RPS8: variants seen among roughly 807,000 people sequenced by gnomAD.
RPS8 encodes the protein small ribosomal subunit protein eS8.
For missense variants in RPS8, 141 were observed against 269.7 expected (o/e 0.52, Z 3.34); for synonymous variants, 100 against 100.7 (o/e 0.99, Z 0.04).
Position 44,776,129 on chromosome 1 carries a change from G to C in RPS8, c.100G>C (p.Ala34Pro). ...GAAGTATGAGTTGGGGCGCCCAGCT[G>C]CCAACACCAAGGTGGGTGCGAGCGT... is the stretch of plus-strand genomic sequence containing the variant. The part of the protein sequence containing the change: ...KRKYELGRPA[A>P]NTKIGPRRIH... The change falls in exon 2 of 6, where the codon GCC becomes CCC. Residue 34 changes from alanine to proline, a missense_variant. Coordinates refer to ENST00000396651, the MANE Select transcript of RPS8 (RefSeq NM_001012.2). 6.2e-7 allele frequency: 1 copy of C among 1,602,490 alleles called. No individual in the cohort carries two copies. The highest frequency in any genetic ancestry group is 8.5e-7 in the Non-Finnish European group (1 of 1,176,480).
chr1:44,775,717 C>T lies in RPS8; in HGVS notation c.4+117C>T, dbSNP rs911422109. ...CCCGACCCCCGGCCAGGGACAGCCACGAGGAGTGGTGGCCCTCGGGTTTCG... is the reference window on the plus strand; with the variant it reads ...CCCGACCCCCGGCCAGGGACAGCCATGAGGAGTGGTGGCCCTCGGGTTTCG... On this transcript the variant is annotated intron_variant, in intron 1 of 5. Transcript: ENST00000396651. The T allele has an allele frequency of 1.5e-5, 20 of 1,367,484 alleles. No individual in the cohort carries two copies. The South Asian group carries it at 2.3e-4, about 16-fold the overall frequency. 84.7% of individuals were successfully genotyped at this position (1,367,484 alleles called of 1,614,324 possible). A position where few individuals can be genotyped will look rare whatever the true frequency, so the allele number is the denominator to read the frequency against.
Position 44,777,785 on chromosome 1 carries a change from A to G in RPS8, c.383A>G (p.Lys128Arg), listed in dbSNP as rs1650909986. 1 of 1,614,060 alleles carries G rather than the reference A, an allele frequency of 6.2e-7. No homozygotes were observed. The highest frequency in any genetic ancestry group is 1.3e-5 in the African/African-American group (1 of 74,942). The stretch of plus-strand genomic sequence containing the variant: ...CCCCTGGGCCGCAAGAAGGGAGCCA[A>G]GCTGGTGCGTGTTACTTCCCTGTAG... Reference protein sequence around the residue: ...ALPLGRKKGAKLTPEEEEILN... With the variant: ...ALPLGRKKGARLTPEEEEILN... The change falls in exon 4 of 6, where the codon AAG becomes AGG. Residue 128 changes from lysine (K) to arginine (R), a missense_variant. Transcript: ENST00000396651.
chr1:44,778,205 T>C, intron 5 of RPS8, 76 bp downstream of exon 5: 1 of 1,553,942 alleles, frequency 6.4e-7, no homozygotes. Context: ...TTGTCTCAGT[T>C]CCTTTGACTG....
intron 4 of RPS8, 52 bp downstream of exon 4, chr1:44,777,841 C>T: frequency 6.3e-7 from 1 of 1,596,446 alleles, no homozygotes; most frequent in Non-Finnish European, 8.6e-7. Context: ...TGACTCCAGC[C>T]TTCTCGTGAT....
chr1:44,778,564 ACT>A lies in RPS8; in HGVS notation c.518-7_518-6del, dbSNP rs1650949908. ...CTTGTCGTTGTGCTAAGGATCACCT[ACT>A]CTCTTGCAGCGTGCATCGCTTCAAG... On this transcript the variant is annotated splice_polypyrimidine_tract_variant and intron_variant, in intron 5 of 5. Transcript: ENST00000396651. 1 of 1,606,514 alleles carries A rather than the reference ACT, an allele frequency of 6.2e-7. No homozygotes were observed. Among genetic ancestry groups the A allele is most frequent in the Admixed American group, 1.7e-5 (1 of 59,908 alleles).
intron 4 of RPS8, 100 bp from the exon 5 acceptor site, chr1:44,777,900 T>G (rs1650915266): frequency 6.3e-7 from 1 of 1,581,570 alleles, no homozygotes. Flanking sequence ...TGAGAGCCTT[T>G]TAGGCTGAGG....
At chr1:44,777,897 C>A in intron 4 of RPS8, 103 bp from the exon 5 acceptor site, 1 of 1,581,782 alleles carries the variant, frequency 6.3e-7, no homozygotes, top group Non-Finnish European at 8.7e-7. Flanking sequence ...AGATGAGAGC[C>A]TTTTAGGCTG....
At chr1:44,778,541 T>C (rs967241203) in intron 5 of RPS8, 35 bp from the exon 6 acceptor site, 31 of 1,563,980 alleles carry the variant, frequency 2.0e-5, no homozygotes, top group Admixed American at 6.7e-5. Flanking sequence ...AGGGCCACCT[T>C]GTCGTTGTGC....
chr1:44,775,624 C>T (rs372242643), intron 1 of RPS8, 24 bp downstream of exon 1: 47 of 1,613,782 alleles, frequency 2.9e-5, no homozygotes, highest in Admixed American at 6.7e-5. Flanking sequence ...TGCATTGAGG[C>T]GGGTGAAGGG....
At chr1:44,777,380 C>A in intron 3 of RPS8, 1 of 527,878 alleles carries the variant, frequency 1.9e-6, no homozygotes, top group Non-Finnish European at 3.5e-6. Flanking sequence ...CTGCTCTGAT[C>A]TTTCTGAACT....
chr1:44,778,762 A>G lies in RPS8; in HGVS notation c.*77A>G, dbSNP rs1340733192. The G allele has an allele frequency of 9.7e-7, 1 of 1,031,142 alleles. No individual in the cohort carries two copies. Among genetic ancestry groups the G allele is most frequent in the Non-Finnish European group, 1.4e-6 (1 of 698,180 alleles). The allele number at this position is 1,031,142 out of a possible 1,614,324, so 63.9% of individuals were successfully genotyped here. A position where few individuals can be genotyped will look rare whatever the true frequency, so the allele number is the denominator to read the frequency against. ...CACATTTATGTTGCCTGAATATATG[A>G]CTGTTTTCTCTGCTTTATTTCCTTG... On this transcript the variant is annotated 3_prime_UTR_variant, in exon 6 of 6. Transcript: ENST00000396651.
At chr1:44,775,722 AGTG>A in intron 1 of RPS8, 122 bp downstream of exon 1, 1 of 1,329,556 alleles carries the variant, frequency 7.5e-7, no homozygotes, top group Admixed American at 1.7e-5. Context: ...AGCCACGAGG[AGTG>A]GTGGCCCTCG....
In RPS8 at chr1:44,775,585, C is replaced by T; in HGVS notation, c.-12C>T. Reference sequence around the variant, plus strand: ...AATCTTTGCGGTTTCTCTTTCCAGCCAGCGCCGAGCGATGGGTGAGTGTCG... The same window carrying T: ...AATCTTTGCGGTTTCTCTTTCCAGCTAGCGCCGAGCGATGGGTGAGTGTCG... On this transcript the variant is annotated 5_prime_UTR_variant, in exon 1 of 6. Transcript: ENST00000396651. 2 of 1,614,156 alleles carry T rather than the reference C, an allele frequency of 1.2e-6. No individual in the cohort carries two copies. Among genetic ancestry groups the T allele is most frequent in the Non-Finnish European group, 1.7e-6 (2 of 1,179,992 alleles).
intron 2 of RPS8, 100 bp from the exon 3 acceptor site, chr1:44,776,575 A>G (rs769182185): frequency 3.1e-6 from 3 of 976,380 alleles, no homozygotes; most frequent in Non-Finnish European, 3.3e-6. Flanking sequence ...AGGACTTGTC[A>G]TAGTTACACT....
intron 2 of RPS8, 51 bp downstream of exon 2, chr1:44,776,191 T>A (rs374476318): frequency 2.3e-6 from 3 of 1,321,006 alleles, no homozygotes; most frequent in Non-Finnish European, 3.1e-6. Context: ...TCCCCCGCTC[T>A]CCAGCGTGCT....
chr1:44,778,560 ACC>A lies in RPS8; in HGVS notation c.518-15_518-14del, dbSNP rs1650949254. The A allele has an allele frequency of 6.2e-7, 1 of 1,604,410 alleles. No individual in the cohort carries two copies. The highest frequency in any genetic ancestry group is 1.3e-5 in the African/African-American group (1 of 74,734). ...CCACCTTGTCGTTGTGCTAAGGATC[ACC>A]TACTCTCTTGCAGCGTGCATCGCTT... On this transcript the variant is annotated splice_polypyrimidine_tract_variant and intron_variant, in intron 5 of 5. Transcript: ENST00000396651.
Position 44,778,093 on chromosome 1 carries a change from C to T in RPS8, c.481C>T (p.Leu161Phe), listed in dbSNP as rs768341749. The change falls in exon 5 of 6, where the codon CTC (leucine) becomes TTC (phenylalanine). Residue 161 changes from leucine (L) to phenylalanine (F), a missense_variant. By Grantham distance (22) the Leu-to-Phe change is conservative. Transcript: ENST00000396651. ...GAAAAAGAATGCCAAAATCAGCAGT[C>T]TCCTGGAGGAGCAGTTCCAGCAGGG... ...ERKKNAKISS[L>F]LEEQFQQGKL... 6.2e-6 allele frequency: 10 copies of T among 1,603,032 alleles called. No homozygotes were observed. Among genetic ancestry groups the T allele is most frequent in the South Asian group, 5.6e-5 (5 of 89,986 alleles).
chr1:44,777,363 G>T, intron 3 of RPS8: 1 of 470,060 alleles, frequency 2.1e-6, no homozygotes, highest in Non-Finnish European at 3.9e-6. Context: ...GAGTCACCGT[G>T]CCCGACCTGC....
chr1:44,776,200 C>T, intron 2 of RPS8, 60 bp downstream of exon 2: 1 of 1,250,600 alleles, frequency 8.0e-7, no homozygotes, highest in African/African-American at 1.5e-5. Context: ...CTCCAGCGTG[C>T]TCGGGTCTTT....
Sources: allele counts gnomAD v4.1 joint callset, GRCh38; gene constraint gnomAD v4.1.1; transcripts MANE v1.5; gene names NCBI Gene and HGNC (gene_info 2026-07-23, HGNC 2026-07-21).